ZNF431: variants seen among roughly 807,000 people sequenced by gnomAD.
ZNF431 encodes the protein zinc finger protein 431.
In ZNF431, 34 loss-of-function variants were observed where a neutral mutation model predicts 57.0. That is an observed-to-expected ratio of 0.60 (90% CI 0.45 to 0.79). The LOEUF (loss-of-function observed/expected upper bound fraction) is 0.79, where lower values mean the gene tolerates loss of function less well. ZNF431 is among the 30% of genes least tolerant of loss of function. The probability of loss-of-function intolerance (pLI) is 0.00; values close to 1 mark genes in which losing one functional copy is unlikely to be tolerated. For synonymous variants in ZNF431, 207 were observed against 220.3 expected, an observed-to-expected ratio of 0.94 and a Z score of 0.54; for missense variants, 607 against 667.1, an observed-to-expected ratio of 0.91 and a Z score of 0.99.
At chr19:21,146,770 G>A (rs1253521155) in intron 2 of ZNF431, among the ~76,000 whole-genome samples, 1 of 152,022 alleles carries the variant, frequency 6.6e-6, no homozygotes, top group African/African-American at 2.4e-5. Context: ...TTCCTACCCT[G>A]TTACTTAGAA....
chr19:21,175,015 C>T (rs905193696), intron 4 of ZNF431, among the ~76,000 whole-genome samples: 8 of 152,098 alleles, frequency 5.3e-5, no homozygotes, highest in African/African-American at 1.9e-4. Flanking sequence ...CCTTGGCCTC[C>T]CAAAGTGCTG....
chr19:21,145,464 G>A (rs937500418), intron 2 of ZNF431, among the ~76,000 whole-genome samples: 38 of 152,256 alleles, frequency 2.5e-4, no homozygotes, highest in African/African-American at 7.0e-4. Context: ...GCGACAGAGC[G>A]AGACTCCATC....
At chr19:21,175,123 G>T (rs989919315) in intron 4 of ZNF431, among the ~76,000 whole-genome samples, 5 of 152,078 alleles carry the variant, frequency 3.3e-5, no homozygotes, top group African/African-American at 1.2e-4. Flanking sequence ...GCATGATCAC[G>T]ACTCACTGCA....
In ZNF431 at chr19:21,183,220, A is replaced by G. The variant is rs1294966299; in HGVS notation, c.917A>G (p.His306Arg). 3.7e-6 allele frequency: 6 copies of G among 1,614,112 alleles called. No homozygotes were observed. The highest frequency in any genetic ancestry group is 2.2e-5 in the East Asian group (1 of 44,866). Residue 306 changes from histidine (H) to arginine (R), a missense_variant, in exon 5 of 5, where the codon CAT becomes CGT. Physicochemically the swap from His to Arg is conservative, Grantham distance 29 (BLOSUM62 0). Transcript: ENST00000311048. ...AFNRSSHLTT[H>R]KIIHTGEKPY... Reference sequence around the variant, plus strand: ...AACCGGTCCTCACACCTTACTACACATAAGATAATTCATACTGGAGAGAAG... The same window carrying G: ...AACCGGTCCTCACACCTTACTACACGTAAGATAATTCATACTGGAGAGAAG...
intron 2 of ZNF431, among the ~76,000 whole-genome samples, chr19:21,159,560 AC>A (rs1970517404): frequency 6.6e-6 from 1 of 152,078 alleles, no homozygotes; most frequent in East Asian, 1.9e-4. Flanking sequence ...TCTCGTAAAG[AC>A]GGGTTTTCAC....
chr19:21,181,560 T>C (rs147316377), intron 4 of ZNF431, among the ~76,000 whole-genome samples: 1,867 of 152,228 alleles, frequency 0.012, 22 homozygotes, highest in Non-Finnish European at 0.02. Flanking sequence ...GTGTTTGTTA[T>C]AAATATCTTT....
chr19:21,183,572 T>C lies in ZNF431; in HGVS notation c.1269T>C (p.Thr423=), dbSNP rs1406868013. The C allele has an allele frequency of 3.1e-6, 5 of 1,613,526 alleles. No homozygotes were observed. The highest frequency in any genetic ancestry group is 4.2e-6 in the Non-Finnish European group (5 of 1,180,004). The part of the protein sequence containing the change: ...SNLTTHKMIH[T]GEKPYKCEEC... ...TTACTACACATAAGATGATTCATAC[T>C]GGAGAGAAACCCTACAAATGTGAAG... is the stretch of plus-strand genomic sequence containing the variant. The change falls in exon 5 of 5, where the codon ACT becomes ACC. Residue 423 remains threonine (T), a synonymous_variant. Transcript: ENST00000311048.
chr19:21,144,562 T>C (rs1317090010), intron 2 of ZNF431, among the ~76,000 whole-genome samples: 4 of 152,250 alleles, frequency 2.6e-5, no homozygotes, highest in Non-Finnish European at 5.9e-5. Flanking sequence ...AAAATTAATA[T>C]CTAATTATGT....
intron 2 of ZNF431, among the ~76,000 whole-genome samples, chr19:21,151,997 C>G (rs1599580164): frequency 6.6e-6 from 1 of 152,172 alleles, no homozygotes; most frequent in Non-Finnish European, 1.5e-5. Flanking sequence ...ATGTGGCTGG[C>G]TGCACCACAG....
intron 2 of ZNF431, among the ~76,000 whole-genome samples, chr19:21,161,719 T>A (rs1970571379): frequency 6.6e-6 from 1 of 151,810 alleles, no homozygotes; most frequent in African/African-American, 2.4e-5. Flanking sequence ...AGTGGCGCAA[T>A]CTAGGCTCAC....
rs1166491905 is a variant in ZNF431, at chr19:21,184,964, C to T, written c.*930C>T. On this transcript the variant is annotated 3_prime_UTR_variant, in exon 5 of 5. Transcript: ENST00000311048. The stretch of plus-strand genomic sequence containing the variant: ...GAAAACTCTGAAGCAGTTGATCAAA[C>T]TTTGTTCAACATCAGGGAATTTATA... 6.6e-6 allele frequency: 1 copy of T among 152,106 alleles called. No individual in the cohort carries two copies. Among genetic ancestry groups the T allele is most frequent in the Non-Finnish European group, 1.5e-5 (1 of 68,012 alleles). 9.4% of individuals were successfully genotyped at this position (152,106 alleles called of 1,614,324 possible).
chr19:21,175,077 A>G (rs1001670874), intron 4 of ZNF431, among the ~76,000 whole-genome samples: 6 of 151,880 alleles, frequency 4.0e-5, no homozygotes, highest in Non-Finnish European at 5.9e-5. Flanking sequence ...TTTTTGAGAT[A>G]AAGTCTCACT....
chr19:21,163,800 G>GT (rs2144984763), intron 2 of ZNF431, among the ~76,000 whole-genome samples: 2 of 152,214 alleles, frequency 1.3e-5, no homozygotes, highest in Admixed American at 1.3e-4. Flanking sequence ...GATTACAGGC[G>GT]TGAGTCACTG....
rs1265601754 is a variant in ZNF431 at position 21,193,696 on chromosome 19, A to C, written c.*9662A>C. ...AGGCAAATCAAAAAGTTATTTTGCC[A>C]CACTTGTGAACTTTATATCACATGT... On this transcript the variant is annotated 3_prime_UTR_variant, in exon 5 of 5. Coordinates refer to ENST00000311048, the MANE Select transcript of ZNF431 (RefSeq NM_133473.4). The C allele has an allele frequency of 6.6e-6, 1 of 152,212 alleles. No homozygotes were observed. The highest frequency in any genetic ancestry group is 1.5e-5 in the Non-Finnish European group (1 of 68,038). The allele number at this position is 152,212 out of a possible 1,614,324, so 9.4% of individuals were successfully genotyped here. A position where few individuals can be genotyped will look rare whatever the true frequency, so the allele number is the denominator to read the frequency against.
intron 2 of ZNF431, among the ~76,000 whole-genome samples, chr19:21,144,923 G>T (rs78883565): frequency 6.6e-6 from 1 of 152,072 alleles, no homozygotes; most frequent in Non-Finnish European, 1.5e-5. Context: ...ATGAAACTTG[G>T]TATCACCTAG....
chr19:21,185,759 C>G lies in ZNF431; in HGVS notation c.*1725C>G, dbSNP rs1298500496. On this transcript the variant is annotated 3_prime_UTR_variant, in exon 5 of 5. Transcript: ENST00000311048. The stretch of plus-strand genomic sequence containing the variant: ...TACAGGCTTGAGCCACCACGCCCAG[C>G]CTGTAGCATATTTTAATAGGAGAAT... 6.6e-6 allele frequency: 1 copy of G among 152,104 alleles called. No individual in the cohort carries two copies. Among genetic ancestry groups the G allele is most frequent in the Non-Finnish European group, 1.5e-5 (1 of 68,032 alleles). 9.4% of individuals were successfully genotyped at this position (152,104 alleles called of 1,614,324 possible).
At chr19:21,169,443 C>T (rs558094964) in intron 4 of ZNF431, among the ~76,000 whole-genome samples, 105 of 152,172 alleles carry the variant, frequency 6.9e-4, no homozygotes, top group Non-Finnish European at 1.4e-3. Context: ...CAAACAACTC[C>T]TTAGCTTTTA....
chr19:21,169,884 T>C, intron 4 of ZNF431: 1 of 398,454 alleles, frequency 2.5e-6, no homozygotes, highest in Non-Finnish European at 4.4e-6. Context: ...AAAACCAAGG[T>C]CTGTAAACCT....
chr19:21,180,465 G>T (rs74910543), intron 4 of ZNF431, among the ~76,000 whole-genome samples: 2,987 of 152,098 alleles, frequency 0.02, 76 homozygotes, highest in African/African-American at 0.059. Context: ...GTTAATTGTT[G>T]TATTTGCTTC....
Sources: allele counts gnomAD v4.1 joint callset (sites outside exome capture counted in the v4.1 genomes callset), GRCh38; gene constraint gnomAD v4.1.1; transcripts MANE v1.5; gene names NCBI Gene and HGNC (gene_info 2026-07-23, HGNC 2026-07-21).